The following CELSR1 variants were observed in gnomAD, a reference collection of about 807,000 sequenced individuals.
The protein encoded by CELSR1 is adhesion G protein-coupled receptor C1.
A neutral mutation model predicts 249.1 loss-of-function variants in CELSR1; 110 were observed. The observed-to-expected ratio is 0.44, with a 90% CI of 0.38 to 0.52. The LOEUF (loss-of-function observed/expected upper bound fraction) is 0.52. Ranked by LOEUF, CELSR1 falls within the 20% of genes least tolerant of loss-of-function variation. The probability of loss-of-function intolerance (pLI) is 0.00; values close to 1 mark genes in which losing one functional copy is unlikely to be tolerated. For missense variants in CELSR1, 4,109 were observed against 4,296.4 expected (o/e 0.96, Z 1.22); for synonymous variants, 2,113 against 1,900.0 (o/e 1.11, Z -2.92).
At position 46,402,319 on chromosome 22, in the gene CELSR1, T is replaced by C. The variant is rs1015704042; in HGVS notation, c.5227-2417A>G. Among the ~76,000 whole-genome samples the C allele has an allele frequency of 3.0e-4, 46 of 151,740 alleles. No individual in the cohort carries two copies. The highest frequency in any genetic ancestry group is 1.1e-3 in the African/African-American group (46 of 41,418). ...GTAAACTCCACCTCCCAGGTTCAAGTGATTCTCCTGCCTCAGCCTCCCGAG... is the reference window on the plus strand; with the variant it reads ...GTAAACTCCACCTCCCAGGTTCAAGCGATTCTCCTGCCTCAGCCTCCCGAG... On this transcript the variant is annotated intron_variant, in intron 9 of 34. Coordinates refer to ENST00000674500, the MANE Select transcript of CELSR1 (RefSeq NM_001378328.1). This position sits in a 1 kb window ranked among gnomAD's most constrained non-coding sequence, Gnocchi z 5.0.
rs546486778 is a variant in CELSR1 at position 46,435,808 on chromosome 22, C to T, written c.4522+366G>A. On this transcript the variant is annotated intron_variant, in intron 4 of 34. Transcript: ENST00000674500. The stretch of plus-strand genomic sequence containing the variant: ...CTCTGCTTCCTGGGTTCAAGCAATT[C>T]TCCTGCCTCAGCCTCCTGAGTAGCG... Among the ~76,000 whole-genome samples, 6 of 152,310 alleles carry T rather than the reference C, an allele frequency of 3.9e-5. No individual in the cohort carries two copies. In the East Asian group the frequency reaches 1.2e-3, roughly 29 times the overall value.
Position 46,366,384 on chromosome 22 carries a change from A to C in CELSR1, c.8300+2T>G. ...TCCCCGAACCCGGAGCTGCGGCCTG[A>C]CCTGACGATGCTGTCCAGCGAGGCG... On this transcript the variant is annotated splice_donor_variant, in intron 30 of 34. Transcript: ENST00000674500. LOFTEE classifies it high-confidence loss of function. 1.3e-6 allele frequency: 2 copies of C among 1,546,632 alleles called. No homozygotes were observed. Among genetic ancestry groups the C allele is most frequent in the Non-Finnish European group, 1.7e-6 (2 of 1,144,736 alleles).
At chr22:46,466,039 A>G (rs2080092918) in intron 1 of CELSR1, among the ~76,000 whole-genome samples, 2 of 152,194 alleles carry the variant, frequency 1.3e-5, no homozygotes, top group Admixed American at 1.3e-4. Flanking sequence ...GCATAAACCC[A>G]GAGCCCTTCG....
At position 46,369,194 on chromosome 22, in the gene CELSR1, CCAT is replaced by C; in HGVS notation, c.7934_7936del (p.Tyr2645_Gly2646delinsTrp). Reference sequence around the variant, plus strand: ...CCCCACTTACACGATCCCTTTTTTCCCATAATAATGGTGCTTTCTTTGGCAGGA... The same window carrying C: ...CCCCACTTACACGATCCCTTTTTTCCAATAATGGTGCTTTCTTTGGCAGGA... On this transcript the variant is annotated inframe_deletion, in exon 27 of 35. Coordinates refer to ENST00000674500, the MANE Select transcript of CELSR1 (RefSeq NM_001378328.1). The C allele has an allele frequency of 6.2e-7, 1 of 1,614,078 alleles. No individual in the cohort carries two copies. Among genetic ancestry groups the C allele is most frequent in the Non-Finnish European group, 8.5e-7 (1 of 1,179,960 alleles).
chr22:46,391,490 G>A lies in CELSR1; in HGVS notation c.6148+143C>T. 1 of 1,069,878 alleles carries A rather than the reference G, an allele frequency of 9.3e-7. No homozygotes were observed. Among genetic ancestry groups the A allele is most frequent in the Non-Finnish European group, 1.3e-6 (1 of 765,680 alleles). 66.3% of individuals were successfully genotyped at this position (1,069,878 alleles called of 1,614,324 possible). On this transcript the variant is annotated intron_variant, in intron 15 of 34. Coordinates refer to ENST00000674500, the MANE Select transcript of CELSR1 (RefSeq NM_001378328.1). This position sits in a 1 kb window ranked among gnomAD's most constrained non-coding sequence, Gnocchi z 4.3. ...ACCCACACCCCCTCACGCAGAACCA[G>A]GTTTCTAGAAGGTCAAGAGAACTCA...
chr22:46,386,763 T>C (rs930397141), intron 18 of CELSR1, among the ~76,000 whole-genome samples, 178 bp from the exon 19 acceptor site: 8 of 146,932 alleles, frequency 5.4e-5, no homozygotes, highest in Non-Finnish European at 1.0e-4. Context: ...TTTTTTGTGT[T>C]TTTTTTTGAG....
At chr22:46,462,710 A>T (rs543509425) in intron 2 of CELSR1, 1 of 258,176 alleles carries the variant, frequency 3.9e-6, no homozygotes, top group African/African-American at 2.4e-5. Flanking sequence ...TTATCAAATG[A>T]GCCGTCATTT....
intron 1 of CELSR1, among the ~76,000 whole-genome samples, chr22:46,531,845 G>A (rs933862106): frequency 9.2e-5 from 14 of 152,112 alleles, no homozygotes; most frequent in African/African-American, 3.4e-4. Flanking sequence ...GTGTGTGTTG[G>A]GGCGGTGGTG....
chr22:46,387,696 G>C (rs1244709096), intron 18 of CELSR1, among the ~76,000 whole-genome samples: 7 of 152,122 alleles, frequency 4.6e-5, no homozygotes, highest in Non-Finnish European at 1.0e-4. Flanking sequence ...CATAAATCCT[G>C]AACCCCATCA....
chr22:46,434,260 C>T lies in CELSR1; in HGVS notation c.4523-779G>A, dbSNP rs1265764061. Among the ~76,000 whole-genome samples, 3 of 152,230 alleles carry T rather than the reference C, an allele frequency of 2.0e-5. No homozygotes were observed. The highest frequency in any genetic ancestry group is 4.4e-5 in the Non-Finnish European group (3 of 68,046). ...TGCTTTGGGGTGTCTGTCATTTCCA[C>T]CCCTTGAGCTCCTGCTGGAGTGGGG... On this transcript the variant is annotated intron_variant, in intron 4 of 34. Coordinates refer to ENST00000674500, the MANE Select transcript of CELSR1 (RefSeq NM_001378328.1). The surrounding 1 kb of genome is among the most constrained non-coding windows in gnomAD (Gnocchi z 4.9).
Position 46,533,729 on chromosome 22 carries a change from G to A in CELSR1, c.3442C>T (p.Leu1148=), listed in dbSNP as rs748984506. The A allele has an allele frequency of 8.1e-6, 13 of 1,613,090 alleles. No homozygotes were observed. Among genetic ancestry groups the A allele is most frequent in the Admixed American group, 3.3e-5 (2 of 60,012 alleles). ...LNYTFVQGNE[L]RLLLLDPATG... The stretch of plus-strand genomic sequence containing the variant: ...GCGGGGTCCAGCAGCAACAGGCGCA[G>A]CTCGTTGCCCTGCACGAAGGTGTAG... Residue 1148 remains leucine, a synonymous_variant, in exon 1 of 35, where the codon CTG becomes TTG. Coordinates refer to ENST00000674500, the MANE Select transcript of CELSR1 (RefSeq NM_001378328.1).
At chr22:46,375,486 C>T (rs191897637) in intron 24 of CELSR1, among the ~76,000 whole-genome samples, 14 of 151,864 alleles carry the variant, frequency 9.2e-5, no homozygotes, top group African/African-American at 2.7e-4. Context: ...CCCAGGCCTG[C>T]GCATTATCAG....
At position 46,537,218 on chromosome 22, in the gene CELSR1, C is replaced by T; in HGVS notation, c.-48G>A. 6.9e-6 allele frequency: 7 copies of T among 1,015,874 alleles called. No homozygotes were observed. The highest frequency in any genetic ancestry group is 8.2e-6 in the Non-Finnish European group (7 of 851,516). 62.9% of individuals were successfully genotyped at this position (1,015,874 alleles called of 1,614,324 possible). On this transcript the variant is annotated 5_prime_UTR_variant, in exon 1 of 35. The change creates a new upstream start codon in the 5' untranslated region. Transcript: ENST00000674500. The surrounding 1 kb of genome is among the most constrained non-coding windows in gnomAD (Gnocchi z 5.8). ...CGGGCGCCCGAACACAATCCATGCA[C>T]CCGGCGCGCCTCCGCATCCACCCGG...
intron 5 of CELSR1, among the ~76,000 whole-genome samples, chr22:46,419,510 C>A (rs1358126025): frequency 6.6e-6 from 1 of 152,124 alleles, no homozygotes; most frequent in Non-Finnish European, 1.5e-5. Context: ...CCTCCCGGGG[C>A]CTGCCTCCTC....
In CELSR1 at chr22:46,391,935, A is replaced by C; in HGVS notation, c.5965-119T>G. 9.3e-7 allele frequency: 1 copy of C among 1,079,092 alleles called. No homozygotes were observed. Among genetic ancestry groups the C allele is most frequent in the Non-Finnish European group, 1.3e-6 (1 of 764,732 alleles). 66.8% of individuals were successfully genotyped at this position (1,079,092 alleles called of 1,614,324 possible). ...CGGGTGTGTGTGTTGGCCGCCAGCC[A>C]TCCCACCCCTCATGGCTACCCTCTG... On this transcript the variant is annotated intron_variant, in intron 14 of 34. Transcript: ENST00000674500. The surrounding 1 kb of genome is among the most constrained non-coding windows in gnomAD (Gnocchi z 4.3).
intron 5 of CELSR1, among the ~76,000 whole-genome samples, chr22:46,419,277 C>T (rs2079438325): frequency 6.6e-6 from 1 of 152,172 alleles, no homozygotes; most frequent in African/African-American, 2.4e-5. Flanking sequence ...GGCCAAAATG[C>T]AGTGAGATAC....
chr22:46,404,203 G>C (rs1312589581), intron 9 of CELSR1, among the ~76,000 whole-genome samples: 1 of 151,882 alleles, frequency 6.6e-6, no homozygotes, highest in Non-Finnish European at 1.5e-5. Context: ...CCTGAGGTCA[G>C]GAGTTGGAGA....
At position 46,391,301 on chromosome 22, in the gene CELSR1, G is replaced by C. The variant is rs556210221; in HGVS notation, c.6149-14C>G. ...CATTGTAGATCACTGGGGTAGAGAAGAGAGAAGTCTGCTCAGCGGGGCACG... is the reference window on the plus strand; with the variant it reads ...CATTGTAGATCACTGGGGTAGAGAACAGAGAAGTCTGCTCAGCGGGGCACG... On this transcript the variant is annotated splice_polypyrimidine_tract_variant and intron_variant, in intron 15 of 34. Coordinates refer to ENST00000674500, the MANE Select transcript of CELSR1 (RefSeq NM_001378328.1). The surrounding 1 kb of genome is among the most constrained non-coding windows in gnomAD (Gnocchi z 4.3). 2.1e-5 allele frequency: 34 copies of C among 1,610,890 alleles called. No individual in the cohort carries two copies. The highest frequency in any genetic ancestry group is 2.7e-5 in the Non-Finnish European group (32 of 1,177,876).
At chr22:46,525,702 G>A (rs2080731850) in intron 1 of CELSR1, among the ~76,000 whole-genome samples, 2 of 152,208 alleles carry the variant, frequency 1.3e-5, no homozygotes, top group South Asian at 2.1e-4. Context: ...GATGAGCCCC[G>A]TGGCACCGGG....
Sources: gnomAD v4.1 joint callset for allele counts (sites outside exome capture counted in the v4.1 genomes callset) on GRCh38, gnomAD v4.1.1 for gene constraint, Gnocchi (gnomAD v3.1) non-coding constraint, MANE v1.5 for transcripts, NCBI Gene and HGNC (gene_info 2026-07-23, HGNC 2026-07-21) for gene names.